Variants in ASAP1 observed in about 807,000 individuals in gnomAD.
ASAP1 encodes the protein ArfGAP with SH3 domain, ankyrin repeat and PH domain 1, also known as arf-GAP with SH3 domain, ANK repeat and PH domain-containing protein 1.
ASAP1 carries 43 observed loss-of-function variants against 145.2 expected under a neutral mutation model. That is an observed-to-expected ratio of 0.30 (90% CI 0.23 to 0.38). The LOEUF is 0.38. Among genes scored for constraint, ASAP1 ranks in the 10% least tolerant of loss-of-function variants. The probability of loss-of-function intolerance (pLI) is 1.00; values close to 1 mark genes in which losing one functional copy is unlikely to be tolerated. For missense variants in ASAP1, 1,018 were observed against 1,355.3 expected (o/e 0.75, Z 3.91); for synonymous variants, 546 against 515.5 (o/e 1.06, Z -0.80).
At chr8:130,183,130 A>C (rs1031152551) in intron 7 of ASAP1, among the ~76,000 whole-genome samples, 1 of 152,160 alleles carries the variant, frequency 6.6e-6, no homozygotes, top group Non-Finnish European at 1.5e-5. Context: ...GAATGCACAT[A>C]CCGTGGCACT....
intron 3 of ASAP1, chr8:130,340,896 G>C (rs945831471): frequency 1.1e-5 from 5 of 455,902 alleles, no homozygotes; most frequent in Non-Finnish European, 2.2e-5. Flanking sequence ...CAATCATTGC[G>C]ATGAATGACA....
intron 27 of ASAP1, among the ~76,000 whole-genome samples, chr8:130,061,353 G>A (rs529153542): frequency 1.3e-5 from 2 of 152,282 alleles, no homozygotes; most frequent in South Asian, 4.1e-4. Context: ...CAGAGAATCG[G>A]AAAGTACAGA....
At chr8:130,332,961 G>A (rs1824791795) in intron 3 of ASAP1, among the ~76,000 whole-genome samples, 1 of 151,470 alleles carries the variant, frequency 6.6e-6, no homozygotes, top group African/African-American at 2.4e-5. Context: ...ACTTATCTAA[G>A]GAAATTCTAT....
chr8:130,109,616 T>C (rs1012666871), intron 24 of ASAP1, among the ~76,000 whole-genome samples: 4 of 152,018 alleles, frequency 2.6e-5, no homozygotes, highest in African/African-American at 9.7e-5. Flanking sequence ...CTTGTTTTCA[T>C]GCAAATGGTT....
chr8:130,172,759 C>T (rs1398284890), intron 9 of ASAP1, among the ~76,000 whole-genome samples: 2 of 152,114 alleles, frequency 1.3e-5, no homozygotes, highest in Admixed American at 6.6e-5. Context: ...TACTGAAGAA[C>T]ACATTATAAA....
intron 4 of ASAP1, among the ~76,000 whole-genome samples, chr8:130,219,052 A>T (rs1447632188): frequency 6.6e-6 from 1 of 152,180 alleles, no homozygotes; most frequent in Non-Finnish European, 1.5e-5. Flanking sequence ...TAGAAAATTA[A>T]ATGTAAGGTG....
intron 3 of ASAP1, among the ~76,000 whole-genome samples, chr8:130,241,989 G>A (rs1207917834): frequency 1.3e-5 from 2 of 152,026 alleles, no homozygotes; most frequent in African/African-American, 2.4e-5. Flanking sequence ...ACAGAGGCAG[G>A]AAATAGTACA....
intron 7 of ASAP1, 65 bp from the exon 8 acceptor site, chr8:130,180,945 A>G: frequency 7.0e-7 from 1 of 1,433,234 alleles, no homozygotes; most frequent in Admixed American, 2.0e-5. Flanking sequence ...TACCAACAGC[A>G]GATCCTAATA....
intron 2 of ASAP1, among the ~76,000 whole-genome samples, chr8:130,384,175 C>T (rs981836496): frequency 3.3e-5 from 5 of 152,172 alleles, no homozygotes; most frequent in South Asian, 2.1e-4. Flanking sequence ...AAGGACAAGA[C>T]GACCTTCTGA....
At chr8:130,075,364 T>C (rs1342848573) in intron 27 of ASAP1, among the ~76,000 whole-genome samples, 3 of 152,204 alleles carry the variant, frequency 2.0e-5, no homozygotes, top group African/African-American at 7.2e-5. Context: ...GTCAGTGCTC[T>C]TCAAAGTGTG....
At position 130,060,761 on chromosome 8, in the gene ASAP1, T is replaced by C. The variant is rs940860511; in HGVS notation, c.3010A>G (p.Thr1004Ala). 3.1e-6 allele frequency: 5 copies of C among 1,614,044 alleles called. No homozygotes were observed. In the African/African-American group the frequency reaches 6.7e-5, roughly 22 times the overall value. ...TGAGCCTTGGGTGAGACATCTCCAGTCTGGGATTTTGCTAGCAGGTCTCCC... is the reference window on the plus strand; with the variant it reads ...TGAGCCTTGGGTGAGACATCTCCAGCCTGGGATTTTGCTAGCAGGTCTCCC... The part of the protein sequence containing the change: ...QLGDLLAKSQ[T>A]GDVSPKAQQP... Residue 1004 changes from threonine (T) to alanine (A), a missense_variant, in exon 28 of 30, where the codon ACT (threonine) becomes GCT (alanine). Thr to Ala is a moderately conservative substitution (Grantham distance 58). This residue lies in a region of ASAP1 where 139 missense variants were observed against 131.0 expected (regional missense o/e 1.06). Transcript: ENST00000518721.
chr8:130,318,301 C>G (rs187808577), intron 3 of ASAP1, among the ~76,000 whole-genome samples: 1 of 152,216 alleles, frequency 6.6e-6, no homozygotes, highest in African/African-American at 2.4e-5. Context: ...AGGCTGGTTT[C>G]AAATTCCTGG....
chr8:130,165,873 A>G (rs2097678937), intron 11 of ASAP1, among the ~76,000 whole-genome samples: 1 of 152,168 alleles, frequency 6.6e-6, no homozygotes, highest in Admixed American at 6.5e-5. Context: ...GTTTTATGGG[A>G]GTTGTTTTGT....
intron 25 of ASAP1, among the ~76,000 whole-genome samples, chr8:130,082,258 G>C (rs1260394519): frequency 1.3e-5 from 2 of 152,168 alleles, no homozygotes; most frequent in African/African-American, 4.8e-5. Flanking sequence ...CTAACCATCA[G>C]TATATGTTCA....
Position 130,358,173 on chromosome 8 carries a change from G to A in ASAP1, c.60-30C>T, listed in dbSNP as rs989694522. Reference sequence around the variant, plus strand: ...CGGGAGGGACGAGACACAAGCGGGGGCGGGGGGTGAGTCACGGCGCAGGCT... The same window carrying A: ...CGGGAGGGACGAGACACAAGCGGGGACGGGGGGTGAGTCACGGCGCAGGCT... On this transcript the variant is annotated intron_variant, in intron 2 of 29. Coordinates refer to ENST00000518721, the MANE Select transcript of ASAP1 (RefSeq NM_018482.4). The surrounding 1 kb of genome is among the most constrained non-coding windows in gnomAD (Gnocchi z 4.1). 2 of 1,581,186 alleles carry A rather than the reference G, an allele frequency of 1.3e-6. No individual in the cohort carries two copies. The highest frequency in any genetic ancestry group is 1.1e-5 in the South Asian group (1 of 89,472).
intron 2 of ASAP1, among the ~76,000 whole-genome samples, chr8:130,372,346 A>G (rs1444766273): frequency 1.3e-5 from 2 of 152,236 alleles, no homozygotes; most frequent in Admixed American, 1.3e-4. Context: ...TTTAAAATCA[A>G]TGTTCTGCCC....
chr8:130,391,825 G>A (rs1315989416), intron 2 of ASAP1, among the ~76,000 whole-genome samples: 2 of 152,250 alleles, frequency 1.3e-5, no homozygotes, highest in Non-Finnish European at 2.9e-5. Flanking sequence ...CAGGCCAGAG[G>A]GACCCCCTCC....
At chr8:130,178,349 C>T (rs188884966) in intron 9 of ASAP1, among the ~76,000 whole-genome samples, 148 of 152,218 alleles carry the variant, frequency 9.7e-4, no homozygotes, top group Non-Finnish European at 1.7e-3. Flanking sequence ...GGCACATTTT[C>T]ACACACAGAC....
intron 1 of ASAP1, among the ~76,000 whole-genome samples, chr8:130,436,410 G>A (rs943747988): frequency 2.6e-5 from 4 of 151,996 alleles, no homozygotes; most frequent in Admixed American, 1.3e-4. Context: ...ATCCTCCCAC[G>A]TCAGCCTCCC....
Sources: gnomAD v4.1 joint callset for allele counts (sites outside exome capture counted in the v4.1 genomes callset) on GRCh38, gnomAD v4.1.1 for gene constraint, gnomAD v4.1.1 regional missense constraint, Gnocchi (gnomAD v3.1) non-coding constraint, MANE v1.5 for transcripts, NCBI Gene and HGNC (gene_info 2026-07-23, HGNC 2026-07-21) for gene names.